NEDD9: variants seen among roughly 807,000 people sequenced by gnomAD.
The protein encoded by NEDD9 is enhancer of filamentation 1.
Under a neutral mutation model 76.6 loss-of-function variants are expected in NEDD9, and 26 were observed. That is an observed-to-expected ratio of 0.34 (90% confidence interval 0.25 to 0.47). The LOEUF (loss-of-function observed/expected upper bound fraction) is 0.47, where lower values mean the gene tolerates loss of function less well. NEDD9 is among the 20% of genes least tolerant of loss of function. NEDD9 has a pLI of 1.00. For synonymous variants in NEDD9, 392 were observed against 414.2 expected, an observed-to-expected ratio of 0.95 and a Z score of 0.65; for missense variants, 937 against 1,058.5, an observed-to-expected ratio of 0.89 and a Z score of 1.59.
intron 1 of NEDD9, among the ~76,000 whole-genome samples, chr6:11,222,858 T>C (rs1253541097): frequency 6.6e-6 from 1 of 152,234 alleles, no homozygotes; most frequent in Non-Finnish European, 1.5e-5. Flanking sequence ...ATGATAAAAT[T>C]ATGGCAGTCA....
At chr6:11,349,003 G>T (rs1330710999) in intron 1 of NEDD9, among the ~76,000 whole-genome samples, 1 of 152,046 alleles carries the variant, frequency 6.6e-6, no homozygotes, top group Non-Finnish European at 1.5e-5. Context: ...CAGAATGGGA[G>T]AAAATATTTG....
In NEDD9 at chr6:11,188,978, G is replaced by A. The variant is rs956816467; in HGVS notation, c.1906-671C>T. On this transcript the variant is annotated intron_variant, in intron 5 of 6. Transcript: ENST00000379446. ...TTTTTTTTTTCTGAGACAGAGTCTC[G>A]CTCTGTCGCCCAGGCTGGAGTCCAG... is the stretch of plus-strand genomic sequence containing the variant. Among the ~76,000 whole-genome samples the A allele has an allele frequency of 5.5e-5, 8 of 144,466 alleles. 1 individual carries two copies. Among genetic ancestry groups the A allele is most frequent in the African/African-American group, 7.8e-5 (3 of 38,692 alleles). 94.8% of individuals were successfully genotyped at this position (144,466 alleles called of 152,430 possible). A position where few individuals can be genotyped will look rare whatever the true frequency, so the allele number is the denominator to read the frequency against.
At position 11,244,676 on chromosome 6, in the gene NEDD9, A is replaced by G. The variant is rs562797532; in HGVS notation, c.13-30949T>C. Among the ~76,000 whole-genome samples the G allele has an allele frequency of 5.3e-5, 8 of 152,360 alleles. No individual in the cohort carries two copies. In the South Asian group the frequency reaches 1.7e-3, roughly 32 times the overall value. On this transcript the variant is annotated intron_variant, in intron 3 of 3. Transcript: ENST00000397378. ...TCCAAGATCTTTTTGAGATTTGTAT[A>G]TGAAGCCTGGGAGAGAGACAACTTC...
At chr6:11,344,500 T>C (rs1762330078) in intron 1 of NEDD9, among the ~76,000 whole-genome samples, 1 of 152,236 alleles carries the variant, frequency 6.6e-6, no homozygotes, top group African/African-American at 2.4e-5. Flanking sequence ...GGCATGTTTA[T>C]TTCAGGTAAG....
intron 3 of NEDD9, among the ~76,000 whole-genome samples, chr6:11,271,094 T>G (rs1473155832): frequency 6.6e-6 from 1 of 152,196 alleles, no homozygotes; most frequent in African/African-American, 2.4e-5. Context: ...AATACAGTGG[T>G]GCTATCATAG....
intron 2 of NEDD9, among the ~76,000 whole-genome samples, chr6:11,329,536 A>G (rs748524419): frequency 2.6e-5 from 4 of 152,210 alleles, no homozygotes; most frequent in Non-Finnish European, 4.4e-5. Flanking sequence ...TTTCTTGGCT[A>G]TAAATGTTAC....
intron 1 of NEDD9, among the ~76,000 whole-genome samples, chr6:11,361,450 C>G (rs1294162266): frequency 2.6e-5 from 4 of 152,024 alleles, no homozygotes; most frequent in Admixed American, 6.5e-5. Context: ...GCAAGAGAGA[C>G]AGACAGAGTG....
At chr6:11,279,594 C>T (rs1398653147) in intron 3 of NEDD9, among the ~76,000 whole-genome samples, 1 of 152,168 alleles carries the variant, frequency 6.6e-6, no homozygotes, top group African/African-American at 2.4e-5. Flanking sequence ...TTATTTCTTT[C>T]TTATGTTTCT....
At chr6:11,374,899 CT>C (rs948893079) in intron 1 of NEDD9, among the ~76,000 whole-genome samples, 5 of 152,072 alleles carry the variant, frequency 3.3e-5, no homozygotes, top group Admixed American at 2.6e-4. Flanking sequence ...CAGGAAGATT[CT>C]TTTTTTTCTT....
At chr6:11,260,722 G>A (rs998214583) in intron 3 of NEDD9, among the ~76,000 whole-genome samples, 2 of 152,200 alleles carry the variant, frequency 1.3e-5, no homozygotes, top group South Asian at 4.1e-4. Flanking sequence ...CTGGGGTAAG[G>A]ATGGTATTGA....
In NEDD9 at chr6:11,213,202, G is replaced by A. The variant is rs1758837685; in HGVS notation, c.459+79C>T. On this transcript the variant is annotated intron_variant, in intron 2 of 6. Coordinates refer to ENST00000379446, the MANE Select transcript of NEDD9 (RefSeq NM_006403.4). This position sits in a 1 kb window ranked among gnomAD's most constrained non-coding sequence, Gnocchi z 5.4. ...CTTGGCAGCTTCAAGTTATTAATTT[G>A]GGAACATTTCCAAATGCTCCAAGTG... The A allele has an allele frequency of 7.7e-7, 1 of 1,293,430 alleles. No homozygotes were observed. The highest frequency in any genetic ancestry group is 1.1e-6 in the Non-Finnish European group (1 of 940,124). The allele number at this position is 1,293,430 out of a possible 1,614,324, so 80.1% of individuals were successfully genotyped here. A position where few individuals can be genotyped will look rare whatever the true frequency, so the allele number is the denominator to read the frequency against.
chr6:11,229,764 C>T (rs1759416514), intron 1 of NEDD9, among the ~76,000 whole-genome samples: 1 of 152,148 alleles, frequency 6.6e-6, no homozygotes, highest in South Asian at 2.1e-4. Context: ...TAAAAACATA[C>T]AGGGAAATAA....
At chr6:11,359,249 G>C (rs1762635355) in intron 1 of NEDD9, among the ~76,000 whole-genome samples, 1 of 152,186 alleles carries the variant, frequency 6.6e-6, no homozygotes, top group Admixed American at 6.5e-5. Flanking sequence ...CTCTGTGTTA[G>C]GAAACTCTTG....
At chr6:11,272,045 A>T (rs1760318067) in intron 3 of NEDD9, among the ~76,000 whole-genome samples, 1 of 152,198 alleles carries the variant, frequency 6.6e-6, no homozygotes, top group South Asian at 2.1e-4. Flanking sequence ...CCCACCACAG[A>T]AGAGAGCTGT....
chr6:11,330,086 GT>G (rs1364778974), intron 2 of NEDD9, among the ~76,000 whole-genome samples: 1 of 152,166 alleles, frequency 6.6e-6, no homozygotes, highest in African/African-American at 2.4e-5. Flanking sequence ...GAGGTAGTGA[GT>G]TTTTTATTTT....
intron 2 of NEDD9, among the ~76,000 whole-genome samples, chr6:11,317,763 C>T (rs1209222066): frequency 6.6e-6 from 1 of 152,170 alleles, no homozygotes; most frequent in African/African-American, 2.4e-5. Flanking sequence ...CACCCGAGAA[C>T]AGGAAGGCAC....
At chr6:11,193,860 CTTT>C (rs772630193) in intron 2 of NEDD9, among the ~76,000 whole-genome samples, 168 bp from the exon 3 acceptor site, 2 of 141,348 alleles carry the variant, frequency 1.4e-5, no homozygotes, top group Admixed American at 7.1e-5. Flanking sequence ...CGTTAGTAAA[CTTT>C]TTTTTTTTTT....
chr6:11,232,457 G>A (rs774678582), intron 1 of NEDD9, 47 bp downstream of exon 1: 23 of 1,611,244 alleles, frequency 1.4e-5, no homozygotes, highest in Admixed American at 6.7e-5. Flanking sequence ...ACACCCGCAG[G>A]CACAGCTTTC....
intron 2 of NEDD9, among the ~76,000 whole-genome samples, chr6:11,306,442 G>A (rs1468970876): frequency 6.6e-6 from 1 of 152,128 alleles, no homozygotes; most frequent in African/African-American, 2.4e-5. Context: ...ACATCATTTC[G>A]GGTCAAATGT....
Sources: gnomAD v4.1 joint callset for allele counts (sites outside exome capture counted in the v4.1 genomes callset) on GRCh38, gnomAD v4.1.1 for gene constraint, Gnocchi (gnomAD v3.1) non-coding constraint, MANE v1.5 for transcripts, NCBI Gene and HGNC (gene_info 2026-07-23, HGNC 2026-07-21) for gene names.